MAGI2: variants seen among roughly 807,000 people sequenced by gnomAD.
MAGI2 encodes membrane associated guanylate kinase, WW and PDZ domain containing 2, also known as membrane-associated guanylate kinase, WW and PDZ domain-containing protein 2.
Under a neutral mutation model 133.3 loss-of-function variants are expected in MAGI2, and 35 were observed. The observed-to-expected ratio is 0.26, with a 90% CI of 0.20 to 0.35. The LOEUF is 0.35. Ranked by LOEUF, MAGI2 falls within the 10% of genes least tolerant of loss-of-function variation. The probability of loss-of-function intolerance (pLI) is 1.00; values close to 1 mark genes in which losing one functional copy is unlikely to be tolerated. For missense variants in MAGI2, 1,636 were observed against 1,863.4 expected, an observed-to-expected ratio of 0.88 and a Z score of 2.25; for synonymous variants, 729 against 710.6, an observed-to-expected ratio of 1.03 and a Z score of -0.41.
chr7:78,144,553 CA>C (rs1486342558), intron 16 of MAGI2, among the ~76,000 whole-genome samples: 1 of 152,096 alleles, frequency 6.6e-6, no homozygotes, highest in Non-Finnish European at 1.5e-5. Flanking sequence ...CACTTCTAAT[CA>C]AGGTTTCTGA....
chr7:78,879,010 G>A (rs964251449), intron 2 of MAGI2, among the ~76,000 whole-genome samples: 2 of 152,164 alleles, frequency 1.3e-5, no homozygotes, highest in African/African-American at 4.8e-5. Flanking sequence ...TATGCTTCAT[G>A]CCTAGGCAGA....
chr7:79,141,241 C>T (rs776430857), intron 1 of MAGI2, among the ~76,000 whole-genome samples: 7 of 152,166 alleles, frequency 4.6e-5, no homozygotes, highest in Non-Finnish European at 7.4e-5. Context: ...TCAGGTGCAA[C>T]ATTTACCAAA....
chr7:78,335,799 C>A (rs1320266334), intron 9 of MAGI2, among the ~76,000 whole-genome samples: 1 of 152,136 alleles, frequency 6.6e-6, no homozygotes, highest in Non-Finnish European at 1.5e-5. Flanking sequence ...CTCCACAAAG[C>A]TGTTTATGGG....
chr7:78,210,810 C>T (rs1416699597), intron 10 of MAGI2, among the ~76,000 whole-genome samples: 3 of 152,226 alleles, frequency 2.0e-5, no homozygotes, highest in South Asian at 4.2e-4. Context: ...ATTCATAATA[C>T]AAGACTTTTT....
At chr7:78,560,799 T>C (rs1800322917) in intron 3 of MAGI2, among the ~76,000 whole-genome samples, 1 of 152,220 alleles carries the variant, frequency 6.6e-6, no homozygotes, top group Non-Finnish European at 1.5e-5. Flanking sequence ...AGCTGGATTA[T>C]CTGCTGAGAG....
chr7:78,717,968 C>A (rs1248002966), intron 2 of MAGI2, among the ~76,000 whole-genome samples: 1 of 152,172 alleles, frequency 6.6e-6, no homozygotes, highest in Non-Finnish European at 1.5e-5. Flanking sequence ...CAAGATAACT[C>A]TGTAATGATG....
intron 1 of MAGI2, among the ~76,000 whole-genome samples, chr7:79,169,871 CT>C (rs567750674): frequency 6.0e-5 from 9 of 150,778 alleles, no homozygotes; most frequent in African/African-American, 4.9e-5. Flanking sequence ...TTTTTTTTGT[CT>C]TTTTAACTTT....
In MAGI2 at chr7:79,077,588, AAAAAAAATAAATAAAT is replaced by A. The variant is rs1479546239; in HGVS notation, c.302-70398_302-70383del. On this transcript the variant is annotated intron_variant, in intron 1 of 21. Coordinates refer to ENST00000354212, the MANE Select transcript of MAGI2 (RefSeq NM_012301.4). The stretch of plus-strand genomic sequence containing the variant: ...AGACTGCCTCTCAAAAAAAAAAAAA[AAAAAAAATAAATAAAT>A]AAATAAATTCCCTTTTGCTTAACTA... Among the ~76,000 whole-genome samples, 10 of 135,412 alleles carry A rather than the reference AAAAAAAATAAATAAAT, an allele frequency of 7.4e-5. 3 individuals carry two copies. The highest frequency in any genetic ancestry group is 2.5e-4 in the African/African-American group (9 of 36,242). The allele number at this position is 135,412 out of a possible 152,430, so 88.8% of individuals were successfully genotyped here.
chr7:78,673,278 A>G (rs1169076902), intron 2 of MAGI2, among the ~76,000 whole-genome samples: 2 of 152,026 alleles, frequency 1.3e-5, no homozygotes, highest in South Asian at 2.1e-4. Flanking sequence ...ATGTGTGTGT[A>G]TATTCACACA....
intron 1 of MAGI2, among the ~76,000 whole-genome samples, chr7:79,301,154 CCA>C (rs1335441629): frequency 4.6e-5 from 7 of 152,322 alleles, no homozygotes; most frequent in African/African-American, 1.7e-4. Flanking sequence ...TTTGGAGCCC[CCA>C]CACAGAGTTC....
intron 10 of MAGI2, among the ~76,000 whole-genome samples, chr7:78,209,221 C>CAAAAAAAAAAAAAAAAAAA (rs370809243): frequency 1.9e-4 from 2 of 10,626 alleles, no homozygotes; most frequent in Non-Finnish European, 3.3e-4. Context: ...GACTCTGTCT[C>CAAAAAAAAAAAAAAAAAAA]AAAAAAAAAA....
rs1388983546 is a variant in MAGI2, at chr7:78,285,439, AAT to A, written c.1409-28860_1409-28859del. ...TAGTCATTTTGCTGGTGCTGGGAAT[AAT>A]AAAAATAGATGATGCTTATTTTATC... On this transcript the variant is annotated intron_variant, in intron 9 of 21. Coordinates refer to ENST00000354212, the MANE Select transcript of MAGI2 (RefSeq NM_012301.4). Among the ~76,000 whole-genome samples the A allele has an allele frequency of 4.7e-4, 72 of 152,144 alleles. 1 individual carries two copies. The highest frequency in any genetic ancestry group is 4.1e-4 in the South Asian group (2 of 4,832).
chr7:78,567,486 T>C (rs1182737020), intron 3 of MAGI2, among the ~76,000 whole-genome samples: 2 of 152,260 alleles, frequency 1.3e-5, no homozygotes, highest in African/African-American at 2.4e-5. Flanking sequence ...TCTGGCTTAA[T>C]TGGTAGCTTT....
intron 3 of MAGI2, among the ~76,000 whole-genome samples, chr7:78,527,757 G>A (rs957401767): frequency 6.6e-6 from 1 of 152,082 alleles, no homozygotes; most frequent in Non-Finnish European, 1.5e-5. Flanking sequence ...CATATAATTT[G>A]TTATTACTTT....
intron 1 of MAGI2, among the ~76,000 whole-genome samples, chr7:79,028,001 C>CA (rs1337231735): frequency 7.3e-5 from 11 of 151,292 alleles, no homozygotes; most frequent in Non-Finnish European, 1.6e-4. Flanking sequence ...AACACCAGGT[C>CA]AAGAGATCAA....
At chr7:79,147,083 G>A (rs2129546661) in intron 1 of MAGI2, among the ~76,000 whole-genome samples, 2 of 152,304 alleles carry the variant, frequency 1.3e-5, no homozygotes, top group Middle Eastern at 3.4e-3. Flanking sequence ...GTGCTCATTT[G>A]AACTGTCTAT....
intron 20 of MAGI2, among the ~76,000 whole-genome samples, chr7:78,110,908 A>G (rs1292069441): frequency 6.6e-6 from 1 of 152,240 alleles, no homozygotes; most frequent in Non-Finnish European, 1.5e-5. Flanking sequence ...TACAGTACCC[A>G]GCTCTCCATA....
chr7:78,480,649 G>C (rs1792268431), intron 6 of MAGI2, among the ~76,000 whole-genome samples: 1 of 151,842 alleles, frequency 6.6e-6, no homozygotes, highest in Non-Finnish European at 1.5e-5. Flanking sequence ...GATTATATCA[G>C]TTGAAAATAG....
intron 2 of MAGI2, among the ~76,000 whole-genome samples, chr7:78,676,264 G>T (rs980507764): frequency 2.8e-4 from 43 of 152,184 alleles, no homozygotes; most frequent in African/African-American, 9.9e-4. Flanking sequence ...ATAATATGTG[G>T]CTTCTGCTAA....
Sources: gnomAD v4.1 joint callset for allele counts (sites outside exome capture counted in the v4.1 genomes callset) on GRCh38, gnomAD v4.1.1 for gene constraint, MANE v1.5 for transcripts, NCBI Gene and HGNC (gene_info 2026-07-23, HGNC 2026-07-21) for gene names.